TACR1: variants seen among roughly 807,000 people sequenced by gnomAD.
TACR1 encodes substance-P receptor.
Under a neutral mutation model 35.8 loss-of-function variants are expected in TACR1, and 25 were observed. The observed-to-expected ratio is 0.70, with a 90% CI of 0.51 to 0.98. The LOEUF is 0.98. Among genes scored for constraint, TACR1 ranks in the 50% least tolerant of loss-of-function variants. The pLI is 0.00. For missense variants in TACR1, 478 were observed against 522.9 expected, an observed-to-expected ratio of 0.91 and a Z score of 0.84; for synonymous variants, 195 against 206.7, an observed-to-expected ratio of 0.94 and a Z score of 0.48.
intron 2 of TACR1, among the ~76,000 whole-genome samples, chr2:75,102,838 C>T (rs1419827710): frequency 6.6e-6 from 1 of 151,828 alleles, no homozygotes; most frequent in Non-Finnish European, 1.5e-5. Context: ...GATGATGGAT[C>T]AAAACTGAAA....
intron 1 of TACR1, among the ~76,000 whole-genome samples, chr2:75,144,648 A>G (rs2103953876): frequency 6.6e-6 from 1 of 152,294 alleles, no homozygotes; most frequent in East Asian, 1.9e-4. Flanking sequence ...CAAAAAGAAA[A>G]CTGATTCATA....
intron 1 of TACR1, among the ~76,000 whole-genome samples, chr2:75,182,695 G>T (rs1289155627): frequency 6.6e-6 from 1 of 152,140 alleles, no homozygotes; most frequent in African/African-American, 2.4e-5. Flanking sequence ...ACAATTACAT[G>T]CTGTACAGGT....
intron 1 of TACR1, among the ~76,000 whole-genome samples, chr2:75,149,966 A>T (rs1001744558): frequency 6.6e-5 from 10 of 152,186 alleles, no homozygotes; most frequent in Non-Finnish European, 1.2e-4. Flanking sequence ...GTTGAATTTT[A>T]TCAAAGGCCT....
At chr2:75,053,351 CGTGT>C (rs146114140) in intron 3 of TACR1, among the ~76,000 whole-genome samples, 1 of 151,044 alleles carries the variant, frequency 6.6e-6, no homozygotes, top group Non-Finnish European at 1.5e-5. Flanking sequence ...TTTAAGTGTG[CGTGT>C]GTGTGTGTGT....
chr2:75,149,626 A>G (rs1674627557), intron 1 of TACR1, among the ~76,000 whole-genome samples: 1 of 152,186 alleles, frequency 6.6e-6, no homozygotes, highest in African/African-American at 2.4e-5. Flanking sequence ...TTGTCAGCTT[A>G]AGCAGTTTTT....
intron 1 of TACR1, among the ~76,000 whole-genome samples, chr2:75,158,767 G>A (rs1674928574): frequency 6.6e-6 from 1 of 152,176 alleles, no homozygotes; most frequent in African/African-American, 2.4e-5. Context: ...TGAAAAGAGA[G>A]GAATGGGTGG....
chr2:75,105,184 A>C (rs1375691258), intron 2 of TACR1, among the ~76,000 whole-genome samples: 2 of 152,142 alleles, frequency 1.3e-5, no homozygotes, highest in East Asian at 3.8e-4. Flanking sequence ...AAATATACAC[A>C]ATGGAATATG....
At chr2:75,198,118 T>C (rs1676037081) in intron 1 of TACR1, among the ~76,000 whole-genome samples, 1 of 152,158 alleles carries the variant, frequency 6.6e-6, no homozygotes, top group Admixed American at 6.5e-5. Flanking sequence ...CAAGAGGCTG[T>C]CTGACAGAAA....
At chr2:75,186,304 G>A (rs1391205378) in intron 1 of TACR1, among the ~76,000 whole-genome samples, 6 of 147,590 alleles carry the variant, frequency 4.1e-5, no homozygotes, top group African/African-American at 7.5e-5. Context: ...CCTGGGAGGC[G>A]GAAGTTGCAG....
rs146558178 is a variant in TACR1 at position 75,176,624 on chromosome 2, T to A, written c.389+21922A>T. ...ATCTGAGACTCTTCATCTAGACTGC[T>A]GTTCCACAGCAGGACTTTGGGGACT... On this transcript the variant is annotated intron_variant, in intron 1 of 4. Coordinates refer to ENST00000305249, the MANE Select transcript of TACR1 (RefSeq NM_001058.4). Among the ~76,000 whole-genome samples the A allele has an allele frequency of 1.9e-3, 288 of 152,298 alleles. 2 individuals are homozygous for A. The highest frequency in any genetic ancestry group is 6.7e-3 in the African/African-American group (279 of 41,570).
intron 2 of TACR1, among the ~76,000 whole-genome samples, chr2:75,117,799 G>A (rs1012467178): frequency 2.6e-5 from 4 of 152,184 alleles, no homozygotes; most frequent in African/African-American, 7.2e-5. Context: ...ATAATAAAGT[G>A]TTGACTATCT....
chr2:75,069,907 T>C (rs987226991), intron 2 of TACR1, among the ~76,000 whole-genome samples: 2 of 152,190 alleles, frequency 1.3e-5, no homozygotes, highest in East Asian at 1.9e-4. Context: ...ACACTCTTTT[T>C]TCTTTCTTTC....
intron 1 of TACR1, among the ~76,000 whole-genome samples, chr2:75,138,870 C>G (rs373650381): frequency 6.6e-6 from 1 of 152,144 alleles, no homozygotes; most frequent in Non-Finnish European, 1.5e-5. Context: ...CACCCCTCCT[C>G]TCAGGAAGCT....
chr2:75,161,508 A>G (rs1172911426), intron 1 of TACR1, among the ~76,000 whole-genome samples: 1 of 152,164 alleles, frequency 6.6e-6, no homozygotes, highest in East Asian at 1.9e-4. Context: ...TTTGGCATTG[A>G]TAGGAAGAAA....
At chr2:75,195,208 G>A (rs1348756802) in intron 1 of TACR1, among the ~76,000 whole-genome samples, 3 of 152,192 alleles carry the variant, frequency 2.0e-5, no homozygotes, top group Admixed American at 1.3e-4. Context: ...ATTTGTTGGA[G>A]TTTAGATAGA....
At chr2:75,095,867 T>C (rs775195925) in intron 2 of TACR1, among the ~76,000 whole-genome samples, 1 of 152,146 alleles carries the variant, frequency 6.6e-6, no homozygotes, top group Non-Finnish European at 1.5e-5. Context: ...AGCTACAAGA[T>C]GGCAGAGCCT....
rs1672466439 is a variant in TACR1, at chr2:75,051,421, C to T, written c.762G>A (p.Val254=). Residue 254 remains valine (V), a synonymous_variant, in exon 4 of 5, where the codon GTG becomes GTA. Coordinates refer to ENST00000305249, the MANE Select transcript of TACR1 (RefSeq NM_001058.4). Reference sequence around the variant, plus strand: ...GCAGCCAGCAGATGGCGAAGGTGCACACCACGACAATCATCATTTTGACCA... The same window carrying T: ...GCAGCCAGCAGATGGCGAAGGTGCATACCACGACAATCATCATTTTGACCA... The part of the protein sequence containing the change: ...RKVVKMMIVV[V]CTFAICWLPF... 1.9e-6 allele frequency: 3 copies of T among 1,614,112 alleles called. No individual in the cohort carries two copies. The highest frequency in any genetic ancestry group is 2.5e-6 in the Non-Finnish European group (3 of 1,179,992).
In TACR1 at chr2:75,053,704, A is replaced by C; in HGVS notation, c.636T>G (p.Ile212Met). The C allele has an allele frequency of 6.2e-7, 1 of 1,614,112 alleles. No homozygotes were observed. Among genetic ancestry groups the C allele is most frequent in the Non-Finnish European group, 8.5e-7 (1 of 1,179,988 alleles). Residue 212 changes from isoleucine to methionine, a missense_variant, in exon 3 of 5, where the codon ATT becomes ATG. By Grantham distance (10) the Ile-to-Met change is conservative. Coordinates refer to ENST00000305249, the MANE Select transcript of TACR1 (RefSeq NM_001058.4). Reference protein sequence around the residue: ...VLIYFLPLLVIGYAYTVVGIT... With the variant: ...VLIYFLPLLVMGYAYTVVGIT... ...TTCCCACTACGGTGTATGCATAGCCAATCACCAGCAGGGGGAGGAAGTAGA... is the reference window on the plus strand; with the variant it reads ...TTCCCACTACGGTGTATGCATAGCCCATCACCAGCAGGGGGAGGAAGTAGA...
At chr2:75,158,925 C>A (rs1479665402) in intron 1 of TACR1, among the ~76,000 whole-genome samples, 1 of 152,200 alleles carries the variant, frequency 6.6e-6, no homozygotes, top group East Asian at 1.9e-4. Flanking sequence ...TCTGCTTCTT[C>A]ATCTGTAAAT....
Sources: gnomAD v4.1 joint callset for allele counts (sites outside exome capture counted in the v4.1 genomes callset) on GRCh38, gnomAD v4.1.1 for gene constraint, MANE v1.5 for transcripts, NCBI Gene and HGNC (gene_info 2026-07-23, HGNC 2026-07-21) for gene names.